The following SLC3A1 variants were observed in gnomAD, a reference collection of about 807,000 sequenced individuals.
SLC3A1 encodes solute carrier family 3 member 1.
SLC3A1 carries 78 observed loss-of-function variants against 60.3 expected under a neutral mutation model. The observed-to-expected ratio is 1.29, with a 90% CI of 1.08 to 1.56. The LOEUF (loss-of-function observed/expected upper bound fraction) is 1.56. Among genes scored for constraint, SLC3A1 ranks in the 40% most tolerant of loss-of-function variants. The pLI is 0.00. For synonymous variants in SLC3A1, 392 were observed against 307.9 expected (o/e 1.27, Z -2.86); for missense variants, 1,172 against 858.9 (o/e 1.36, Z -4.56).
At chr2:44,321,783 T>G, downstream of SLC3A1, 1 of 1,613,694 alleles carries the variant, frequency 6.2e-7, no homozygotes, top group Non-Finnish European at 8.5e-7. Flanking sequence ...ACAACATGTA[T>G]CTAGTTCGGG....
chr2:44,322,403 C>G (rs72804907), downstream of SLC3A1, among the ~76,000 whole-genome samples: 3,627 of 152,112 alleles, frequency 0.024, 53 homozygotes, highest in Non-Finnish European at 0.038. Flanking sequence ...TAGAGATTCC[C>G]AAGAATAACG....
chr2:44,311,628 T>C (rs971401398), intron 7 of SLC3A1, among the ~76,000 whole-genome samples: 1 of 152,008 alleles, frequency 6.6e-6, no homozygotes, highest in Admixed American at 6.6e-5. Flanking sequence ...GAGGCAAAAA[T>C]TGACCTAATT....
At position 44,283,722 on chromosome 2, in the gene SLC3A1, C is replaced by A. The variant is rs563331556; in HGVS notation, c.765+2181C>A. Among the ~76,000 whole-genome samples the A allele has an allele frequency of 1.1e-3, 166 of 152,072 alleles. 2 individuals carry two copies. In the South Asian group the frequency reaches 0.015, roughly 14 times the overall value. On this transcript the variant is annotated intron_variant, in intron 3 of 9. Coordinates refer to ENST00000260649, the MANE Select transcript of SLC3A1 (RefSeq NM_000341.4). ...TTTCTAATGTAATAGTTAATATGTT[C>A]AAAAATATGTATATGTATATGATGG...
At chr2:44,286,487 AGTGAGCTGTACGGTGCCTGTGACG>A (rs1558455853) in intron 4 of SLC3A1, among the ~76,000 whole-genome samples, 2 of 150,972 alleles carry the variant, frequency 1.3e-5, no homozygotes, top group Admixed American at 1.3e-4. Context: ...CACCTGTGAC[AGTGAGCTGTACGGTGCCTGTGACG>A]GTGAGCTGTG....
chr2:44,302,818 C>T (rs1395544583), intron 6 of SLC3A1, among the ~76,000 whole-genome samples: 1 of 152,178 alleles, frequency 6.6e-6, no homozygotes, highest in Non-Finnish European at 1.5e-5. Flanking sequence ...TAAAGAAAGT[C>T]TTCATGGATG....
Position 44,321,325 on chromosome 2 carries a change from G to A in SLC3A1, c.*686G>A. 2 of 1,507,152 alleles carry A rather than the reference G, an allele frequency of 1.3e-6. No homozygotes were observed. Among genetic ancestry groups the A allele is most frequent in the South Asian group, 1.1e-5 (1 of 87,020 alleles). The allele number at this position is 1,507,152 out of a possible 1,614,324, so 93.4% of individuals were successfully genotyped here. A position where few individuals can be genotyped will look rare whatever the true frequency, so the allele number is the denominator to read the frequency against. On this transcript the variant is annotated 3_prime_UTR_variant, in exon 10 of 10. Coordinates refer to ENST00000260649, the MANE Select transcript of SLC3A1 (RefSeq NM_000341.4). ...AAGTAAGACTATGAAATATTTCAGT[G>A]TGTTTCCAATTCCCAGTTGAATGCA...
chr2:44,292,892 A>G (rs1353724957), intron 4 of SLC3A1, among the ~76,000 whole-genome samples: 1 of 151,542 alleles, frequency 6.6e-6, no homozygotes, highest in African/African-American at 2.4e-5. Flanking sequence ...TTTTATTTTT[A>G]TTTTTTTTCA....
Position 44,298,517 on chromosome 2 carries a change from A to G in SLC3A1, c.892-1454A>G, listed in dbSNP as rs919755370. Among the ~76,000 whole-genome samples, 10 of 152,168 alleles carry G rather than the reference A, an allele frequency of 6.6e-5. No individual in the cohort carries two copies. The South Asian group carries it at 1.0e-3, about 16-fold the overall frequency. On this transcript the variant is annotated intron_variant, in intron 4 of 9. Transcript: ENST00000260649. ...CTCAGCCTCCCAAGTAGCTGGGACT[A>G]CAGGTGCATGGCTCCATGCCCAACT...
chr2:44,314,080 G>C, intron 9 of SLC3A1, 129 bp downstream of exon 9: 2 of 1,549,178 alleles, frequency 1.3e-6, no homozygotes, highest in Non-Finnish European at 8.7e-7. Context: ...AGACTTCCTT[G>C]CAGTTTTCCA....
Position 44,321,304 on chromosome 2 carries a change from A to G in SLC3A1, c.*665A>G. 7.1e-7 allele frequency: 1 copy of G among 1,411,006 alleles called. No homozygotes were observed. Among genetic ancestry groups the G allele is most frequent in the South Asian group, 1.2e-5 (1 of 81,108 alleles). The allele number at this position is 1,411,006 out of a possible 1,614,324, so 87.4% of individuals were successfully genotyped here. A position where few individuals can be genotyped will look rare whatever the true frequency, so the allele number is the denominator to read the frequency against. ...TTTTTTTGCTAACTCAATTGGAAGT[A>G]AGACTATGAAATATTTCAGTGTGTT... On this transcript the variant is annotated 3_prime_UTR_variant, in exon 10 of 10. Coordinates refer to ENST00000260649, the MANE Select transcript of SLC3A1 (RefSeq NM_000341.4).
At chr2:44,288,903 C>A (rs1007854468) in intron 4 of SLC3A1, among the ~76,000 whole-genome samples, 3 of 151,956 alleles carry the variant, frequency 2.0e-5, no homozygotes, top group Non-Finnish European at 4.4e-5. Context: ...GGTGCAGTCT[C>A]GGCTCACTGC....
intron 4 of SLC3A1, among the ~76,000 whole-genome samples, chr2:44,294,112 C>A (rs540747909): frequency 6.6e-6 from 1 of 152,098 alleles, no homozygotes; most frequent in East Asian, 1.9e-4. Context: ...GGGAGACAAA[C>A]CAAGGGGCAG....
chr2:44,278,121 T>C (rs985622230), intron 1 of SLC3A1, among the ~76,000 whole-genome samples: 2 of 152,014 alleles, frequency 1.3e-5, no homozygotes, highest in African/African-American at 4.8e-5. Context: ...GCTACCCATA[T>C]GGGGGAACTG....
intron 3 of SLC3A1, among the ~76,000 whole-genome samples, chr2:44,283,042 C>T (rs1203702940): frequency 1.3e-5 from 2 of 152,158 alleles, no homozygotes; most frequent in Non-Finnish European, 2.9e-5. Flanking sequence ...TCTGGCAGTT[C>T]TGCTTCTGTC....
In SLC3A1 at chr2:44,299,031, C is replaced by CTT. The variant is rs3074475; in HGVS notation, c.892-919_892-918dup. ...AAAGCCAGTGGAATAATGTAGATTC[C>CTT]TTTTTTTTTTTTTTTTTTTTTTAAA... On this transcript the variant is annotated intron_variant, in intron 4 of 9. Transcript: ENST00000260649. 5.0e-3 allele frequency among the ~76,000 whole-genome samples: 622 copies of CTT among 124,344 alleles called. 5 individuals are homozygous for CTT. The highest frequency in any genetic ancestry group is 0.018 in the African/African-American group (585 of 33,236). The allele number at this position is 124,344 out of a possible 152,430, so 81.6% of individuals were successfully genotyped here.
intron 1 of SLC3A1, among the ~76,000 whole-genome samples, chr2:44,277,223 T>C (rs1382227464): frequency 6.6e-6 from 1 of 150,432 alleles, no homozygotes; most frequent in East Asian, 2.0e-4. Flanking sequence ...TTCTCTCGGC[T>C]CAGCGTTCCG....
chr2:44,300,034 C>G lies in SLC3A1; in HGVS notation c.955C>G (p.Leu319Val), dbSNP rs1344594146. The G allele has an allele frequency of 1.9e-6, 3 of 1,613,624 alleles. No homozygotes were observed. The highest frequency in any genetic ancestry group is 2.5e-6 in the Non-Finnish European group (3 of 1,179,696). ...TTTTAGTTTGGATGCTGTTAAATTC[C>G]TCCTAGAAGCAAAGCACCTGAGAGA... ...DGFSLDAVKF[L>V]LEAKHLRDEI... The change falls in exon 5 of 10, where the codon CTC becomes GTC. Residue 319 changes from leucine (L) to valine (V), a missense_variant. Leu to Val is a conservative substitution (Grantham distance 32). Coordinates refer to ENST00000260649, the MANE Select transcript of SLC3A1 (RefSeq NM_000341.4).
intron 4 of SLC3A1, among the ~76,000 whole-genome samples, chr2:44,292,688 G>A (rs1167326680): frequency 6.6e-6 from 1 of 152,104 alleles, no homozygotes; most frequent in Non-Finnish European, 1.5e-5. Flanking sequence ...AGGCATGGGT[G>A]GGAGTGTTTC....
intron 6 of SLC3A1, chr2:44,301,342 A>C: frequency 1.5e-6 from 1 of 656,144 alleles, no homozygotes; most frequent in Non-Finnish European, 2.7e-6. Context: ...AAAATGATGC[A>C]GATCACACTA....
Sources: allele counts gnomAD v4.1 joint callset (sites outside exome capture counted in the v4.1 genomes callset), GRCh38; gene constraint gnomAD v4.1.1; transcripts MANE v1.5; gene names NCBI Gene and HGNC (gene_info 2026-07-23, HGNC 2026-07-21).